ZMIZ1: variants seen among roughly 807,000 people sequenced by gnomAD.
ZMIZ1 encodes the protein zinc finger MIZ-type containing 1.
Under a neutral mutation model 113.9 loss-of-function variants are expected in ZMIZ1, and 17 were observed. The observed-to-expected ratio is 0.15, with a 90% CI of 0.10 to 0.22. The LOEUF is 0.22. ZMIZ1 is among the 10% of genes least tolerant of loss of function. The pLI is 1.00. For missense variants in ZMIZ1, 1,059 were observed against 1,477.8 expected (o/e 0.72, Z 4.65); for synonymous variants, 607 against 603.1 (o/e 1.01, Z -0.09).
intron 3 of ZMIZ1, among the ~76,000 whole-genome samples, chr10:79,148,709 C>T (rs1358812511): frequency 6.6e-6 from 1 of 152,224 alleles, no homozygotes; most frequent in Non-Finnish European, 1.5e-5. Flanking sequence ...TGTCCCCAGC[C>T]TCAGCTTGCA....
At chr10:79,116,321 C>A (rs1844027688) in intron 1 of ZMIZ1, among the ~76,000 whole-genome samples, 1 of 152,018 alleles carries the variant, frequency 6.6e-6, no homozygotes, top group Non-Finnish European at 1.5e-5. Flanking sequence ...TGTCACCCAA[C>A]CCTGATAGAG....
At chr10:79,288,752 G>T (rs1256897835) in intron 8 of ZMIZ1, among the ~76,000 whole-genome samples, 1 of 152,190 alleles carries the variant, frequency 6.6e-6, no homozygotes, top group Non-Finnish European at 1.5e-5. Context: ...CCTTCGCTGG[G>T]ATCTGCTGGC....
At chr10:79,206,749 G>A (rs1329294647) in intron 5 of ZMIZ1, among the ~76,000 whole-genome samples, 1 of 152,346 alleles carries the variant, frequency 6.6e-6, no homozygotes, top group Admixed American at 6.5e-5. Context: ...CAGGCACTTT[G>A]CCAGGGGCTG....
intron 4 of ZMIZ1, among the ~76,000 whole-genome samples, chr10:79,192,477 A>G (rs1484053993): frequency 1.3e-5 from 2 of 152,204 alleles, no homozygotes; most frequent in African/African-American, 2.4e-5. Context: ...TGGATCATGA[A>G]GAGAAGTGGG....
At chr10:79,073,379 C>G (rs1842359712) in intron 1 of ZMIZ1, among the ~76,000 whole-genome samples, 1 of 152,228 alleles carries the variant, frequency 6.6e-6, no homozygotes, top group Admixed American at 6.5e-5. Flanking sequence ...TGAAGCTGCT[C>G]TCATCCAGAC....
At chr10:79,188,682 T>C (rs1847461200) in intron 4 of ZMIZ1, among the ~76,000 whole-genome samples, 1 of 141,104 alleles carries the variant, frequency 7.1e-6, no homozygotes, top group Non-Finnish European at 1.5e-5. Flanking sequence ...TCCTTGCCTC[T>C]TCTGTGTCTC....
intron 1 of ZMIZ1, among the ~76,000 whole-genome samples, chr10:79,077,314 G>C (rs549368891): frequency 6.6e-6 from 1 of 152,034 alleles, no homozygotes; most frequent in Non-Finnish European, 1.5e-5. Flanking sequence ...AGAGACCTCT[G>C]GGAAGAGTCC....
intron 10 of ZMIZ1, among the ~76,000 whole-genome samples, chr10:79,291,689 G>A (rs571258179): frequency 1.3e-5 from 2 of 152,334 alleles, no homozygotes; most frequent in East Asian, 3.9e-4. Context: ...GAGGCGAGCA[G>A]AGGTGCCCAT....
chr10:79,112,352 A>G (rs1330379798), intron 1 of ZMIZ1, among the ~76,000 whole-genome samples: 1 of 152,136 alleles, frequency 6.6e-6, no homozygotes, highest in Non-Finnish European at 1.5e-5. Flanking sequence ...GGTTACATGT[A>G]GCAATTCAGG....
chr10:79,181,808 G>A (rs1208626290), intron 4 of ZMIZ1, among the ~76,000 whole-genome samples: 3 of 152,116 alleles, frequency 2.0e-5, no homozygotes, highest in Non-Finnish European at 2.9e-5. Flanking sequence ...ATTTGTCCCC[G>A]TCATTGACCT....
intron 4 of ZMIZ1, among the ~76,000 whole-genome samples, chr10:79,165,999 T>TGG (rs1846326783): frequency 2.0e-4 from 2 of 9,954 alleles, no homozygotes; most frequent in South Asian, 1.8e-3. Context: ...TGTGTGTGTG[T>TGG]GTGGGCTCTC....
At chr10:79,113,495 T>G (rs1843840555) in intron 1 of ZMIZ1, among the ~76,000 whole-genome samples, 1 of 152,158 alleles carries the variant, frequency 6.6e-6, no homozygotes, top group Admixed American at 6.5e-5. Flanking sequence ...CTGGCCTGAA[T>G]GTGACTGGTG....
chr10:79,245,749 G>A (rs186139032), intron 7 of ZMIZ1, among the ~76,000 whole-genome samples: 37 of 152,296 alleles, frequency 2.4e-4, no homozygotes, highest in East Asian at 1.9e-3. Flanking sequence ...CTAAGATGAC[G>A]CCATTCAGTA....
intron 6 of ZMIZ1, among the ~76,000 whole-genome samples, chr10:79,214,016 CTG>C (rs1369514625): frequency 6.6e-6 from 1 of 152,196 alleles, no homozygotes; most frequent in Non-Finnish European, 1.5e-5. Context: ...ACAGGCCGCT[CTG>C]TGCTCACAGG....
At chr10:79,293,745 C>G (rs761052522) in intron 12 of ZMIZ1, 92 bp downstream of exon 12, 2 of 1,583,584 alleles carry the variant, frequency 1.3e-6, no homozygotes, top group East Asian at 4.5e-5. Flanking sequence ...AGGGGTGTGG[C>G]TTGGACTCCA....
chr10:79,213,714 T>C (rs968594946), intron 6 of ZMIZ1, among the ~76,000 whole-genome samples: 2 of 152,212 alleles, frequency 1.3e-5, no homozygotes, highest in African/African-American at 2.4e-5. Context: ...CGTTAACCCT[T>C]TGTGGACTGA....
chr10:79,191,080 G>T (rs1038643739), intron 4 of ZMIZ1, among the ~76,000 whole-genome samples: 7 of 152,152 alleles, frequency 4.6e-5, no homozygotes, highest in African/African-American at 1.7e-4. Flanking sequence ...CCTGCTATGG[G>T]TGTGGGAGGT....
chr10:79,163,024 T>C (rs975992045), intron 4 of ZMIZ1, among the ~76,000 whole-genome samples: 1 of 152,152 alleles, frequency 6.6e-6, no homozygotes, highest in African/African-American at 2.4e-5. Flanking sequence ...CTTGGCCCTG[T>C]GCCCGAGGGT....
chr10:79,152,129 TC>T (rs1845739521), intron 3 of ZMIZ1, among the ~76,000 whole-genome samples: 1 of 152,088 alleles, frequency 6.6e-6, no homozygotes, highest in South Asian at 2.1e-4. Flanking sequence ...TGAGCCAATT[TC>T]CCCCATTGAA....
Sources: gnomAD v4.1 joint callset for allele counts (sites outside exome capture counted in the v4.1 genomes callset) on GRCh38, gnomAD v4.1.1 for gene constraint, MANE v1.5 for transcripts, NCBI Gene and HGNC (gene_info 2026-07-23, HGNC 2026-07-21) for gene names.